Variants in PRKN observed in about 807,000 individuals in gnomAD.
PRKN encodes the protein parkin RBR E3 ubiquitin protein ligase, also known as E3 ubiquitin-protein ligase parkin.
A neutral mutation model predicts 59.5 loss-of-function variants in PRKN; 56 were observed. That is an observed-to-expected ratio of 0.94 (90% CI 0.76 to 1.18). The LOEUF is 1.18. Ranked by LOEUF, PRKN falls within the 50% of genes most tolerant of loss-of-function variation. The pLI is 0.00. For missense variants in PRKN, 657 were observed against 596.4 expected (o/e 1.10, Z -1.06); for synonymous variants, 250 against 222.1 (o/e 1.13, Z -1.12).
intron 6 of PRKN, among the ~76,000 whole-genome samples, chr6:161,848,541 A>T (rs924757896): frequency 6.6e-6 from 1 of 152,200 alleles, no homozygotes; most frequent in Non-Finnish European, 1.5e-5. Context: ...AATCAACTCC[A>T]TCTATATGTA....
At chr6:162,369,410 C>T (rs1785626766) in intron 2 of PRKN, among the ~76,000 whole-genome samples, 1 of 152,108 alleles carries the variant, frequency 6.6e-6, no homozygotes, top group Non-Finnish European at 1.5e-5. Flanking sequence ...ATAACAGTGC[C>T]ATAAATCTAC....
chr6:161,718,548 G>A (rs1036954815), intron 7 of PRKN, among the ~76,000 whole-genome samples: 1 of 151,748 alleles, frequency 6.6e-6, no homozygotes, highest in Non-Finnish European at 1.5e-5. Context: ...CAGGGGGCTA[G>A]AGATGTGCTG....
intron 2 of PRKN, among the ~76,000 whole-genome samples, chr6:162,409,753 C>A (rs890490574): frequency 6.6e-6 from 1 of 152,038 alleles, no homozygotes; most frequent in Non-Finnish European, 1.5e-5. Context: ...AAATTAATAC[C>A]TCAAGTGGGA....
At chr6:162,019,708 TGCTAGATAACTTTATGTATTAA>T (rs1562464174) in intron 5 of PRKN, among the ~76,000 whole-genome samples, 1 of 152,176 alleles carries the variant, frequency 6.6e-6, no homozygotes, top group Non-Finnish European at 1.5e-5. Context: ...ATTGCACATA[TGCTAGATAACTTTATGTATTAA>T]AAATCATGGC....
At chr6:162,709,027 T>A (rs192877009) in intron 1 of PRKN, among the ~76,000 whole-genome samples, 142 of 152,246 alleles carry the variant, frequency 9.3e-4, no homozygotes, top group Non-Finnish European at 1.7e-3. Context: ...GAACTCTGCA[T>A]GTGAGGGATC....
At chr6:161,794,361 A>C (rs1020300167) in intron 6 of PRKN, among the ~76,000 whole-genome samples, 6 of 152,100 alleles carry the variant, frequency 3.9e-5, no homozygotes, top group Non-Finnish European at 7.4e-5. Context: ...ATTAGGTCTC[A>C]TGAGTGTTGG....
rs987806979 is a variant in PRKN, at chr6:161,499,437, G to T, written c.1083+49417C>A. Reference sequence around the variant, plus strand: ...GCATAATTCTCCTAAGTATGAAAGTGAAAAGCTAAGATCAGTGTTTCCCAC... The same window carrying T: ...GCATAATTCTCCTAAGTATGAAAGTTAAAAGCTAAGATCAGTGTTTCCCAC... On this transcript the variant is annotated intron_variant, in intron 9 of 11. Coordinates refer to ENST00000366898, the MANE Select transcript of PRKN (RefSeq NM_004562.3). The surrounding 1 kb of genome is among the most constrained non-coding windows in gnomAD (Gnocchi z 4.2). Among the ~76,000 whole-genome samples the T allele has an allele frequency of 2.6e-5, 4 of 152,168 alleles. No homozygotes were observed. The highest frequency in any genetic ancestry group is 9.7e-5 in the African/African-American group (4 of 41,438).
chr6:161,394,316 A>G (rs1786649344), intron 9 of PRKN, among the ~76,000 whole-genome samples: 1 of 151,942 alleles, frequency 6.6e-6, no homozygotes, highest in South Asian at 2.1e-4. Flanking sequence ...GGCTAAAAAG[A>G]AAGAATTTTC....
intron 2 of PRKN, among the ~76,000 whole-genome samples, chr6:162,404,693 C>T (rs1372982984): frequency 6.6e-6 from 1 of 152,110 alleles, no homozygotes; most frequent in Non-Finnish European, 1.5e-5. Context: ...GCTCGGACTA[C>T]AGGCGTGCAC....
At chr6:161,366,079 TG>T (rs1785185627) in intron 10 of PRKN, among the ~76,000 whole-genome samples, 4 of 152,154 alleles carry the variant, frequency 2.6e-5, no homozygotes, top group Admixed American at 2.6e-4. Flanking sequence ...TACTGGAAGG[TG>T]GGGCCTTTGG....
intron 4 of PRKN, among the ~76,000 whole-genome samples, chr6:162,190,608 C>T (rs1269162349): frequency 6.6e-6 from 1 of 152,116 alleles, no homozygotes; most frequent in Non-Finnish European, 1.5e-5. Flanking sequence ...CTGGATATTC[C>T]CAGATGGAAG....
At chr6:161,764,708 C>G (rs372102415) in intron 7 of PRKN, among the ~76,000 whole-genome samples, 1 of 152,168 alleles carries the variant, frequency 6.6e-6, no homozygotes. Context: ...AGAAATCTAT[C>G]TCCCTACAAT....
chr6:162,266,397 T>C (rs1417554401), intron 2 of PRKN: 1 of 151,880 alleles, frequency 6.6e-6, no homozygotes, highest in African/African-American at 2.4e-5. Context: ...AACTTGGCCA[T>C]AGTAGCATTC....
chr6:162,282,307 T>C (rs1397096527), intron 2 of PRKN, among the ~76,000 whole-genome samples: 1 of 151,904 alleles, frequency 6.6e-6, no homozygotes, highest in African/African-American at 2.4e-5. Context: ...AGATATGGAC[T>C]TCCATACAAG....
chr6:162,325,878 T>A (rs1378302179), intron 2 of PRKN, among the ~76,000 whole-genome samples: 2 of 152,186 alleles, frequency 1.3e-5, no homozygotes, highest in African/African-American at 2.4e-5. Flanking sequence ...ATACATTTTA[T>A]AAATTTGTTG....
chr6:162,152,711 G>C (rs1481635682), intron 4 of PRKN, among the ~76,000 whole-genome samples: 3 of 152,198 alleles, frequency 2.0e-5, no homozygotes, highest in African/African-American at 4.8e-5. Context: ...TTGTCAAGGA[G>C]AGTGTGGTCT....
chr6:161,913,059 T>G (rs1327726580), intron 6 of PRKN, among the ~76,000 whole-genome samples: 3 of 148,898 alleles, frequency 2.0e-5, no homozygotes, highest in Non-Finnish European at 4.4e-5. Context: ...GCACCTGTAA[T>G]CCTCCCAGGG....
At chr6:161,743,962 GC>G (rs1788307367) in intron 7 of PRKN, among the ~76,000 whole-genome samples, 1 of 152,096 alleles carries the variant, frequency 6.6e-6, no homozygotes, top group Non-Finnish European at 1.5e-5. Flanking sequence ...GTTCCACGGA[GC>G]CCTGGGGTTT....
intron 3 of PRKN, among the ~76,000 whole-genome samples, chr6:162,251,424 T>A (rs1779430719): frequency 6.6e-6 from 1 of 152,082 alleles, no homozygotes; most frequent in Admixed American, 6.6e-5. Context: ...TAAAAGGCCC[T>A]AAGGAAATGA....
Sources: gnomAD v4.1 joint callset for allele counts (sites outside exome capture counted in the v4.1 genomes callset) on GRCh38, gnomAD v4.1.1 for gene constraint, Gnocchi (gnomAD v3.1) non-coding constraint, MANE v1.5 for transcripts, NCBI Gene and HGNC (gene_info 2026-07-23, HGNC 2026-07-21) for gene names.